The following SLN variants were observed in gnomAD, a reference collection of about 807,000 sequenced individuals.
SLN encodes the protein sarcolipin.
For synonymous variants in SLN, 19 were observed against 14.4 expected (o/e 1.32, Z -0.72); for missense variants, 34 against 37.4 (o/e 0.91, Z 0.24).
chr11:107,708,464 C>T (rs1325042980), intron 1 of SLN, among the ~76,000 whole-genome samples: 1 of 152,144 alleles, frequency 6.6e-6, no homozygotes, highest in Non-Finnish European at 1.5e-5. Context: ...TACCAGCCCA[C>T]CCTGCAGATT....
rs535103409 is a variant in SLN, at chr11:107,710,060, A to G, written c.-76+1903T>C. The stretch of plus-strand genomic sequence containing the variant: ...GATCAAGGAAAAAGGATTTATGAGA[A>G]TGTACAAAAGAGCAGAGGAGAACAG... On this transcript the variant is annotated intron_variant, in intron 1 of 1. Coordinates refer to ENST00000305991, the MANE Select transcript of SLN (RefSeq NM_003063.3). Among the ~76,000 whole-genome samples, 3 of 152,342 alleles carry G rather than the reference A, an allele frequency of 2.0e-5. No individual in the cohort carries two copies. In the South Asian group the frequency reaches 6.2e-4, roughly 32 times the overall value.
chr11:107,709,469 A>G (rs1867188036), intron 1 of SLN, among the ~76,000 whole-genome samples: 1 of 152,220 alleles, frequency 6.6e-6, no homozygotes, highest in South Asian at 2.1e-4. Context: ...TAATTACTGT[A>G]TTGATTATAT....
chr11:107,711,852 C>T (rs539038134), intron 1 of SLN, 111 bp downstream of exon 1: 1 of 152,208 alleles, frequency 6.6e-6, no homozygotes, highest in South Asian at 2.1e-4. Context: ...ATGCTGTATC[C>T]AAGGGGCATT....
chr11:107,710,789 A>C (rs189442363), intron 1 of SLN, among the ~76,000 whole-genome samples: 1 of 152,256 alleles, frequency 6.6e-6, no homozygotes, highest in Non-Finnish European at 1.5e-5. Context: ...AAGAGTTCAC[A>C]GCAATATTAT....
intron 1 of SLN, among the ~76,000 whole-genome samples, chr11:107,711,125 C>G (rs1250142564): frequency 6.6e-6 from 1 of 152,146 alleles, no homozygotes; most frequent in Non-Finnish European, 1.5e-5. Flanking sequence ...GGGGGTTGAT[C>G]AAGAATGGGC....
chr11:107,710,759 C>A (rs1463733347), intron 1 of SLN, among the ~76,000 whole-genome samples: 1 of 152,116 alleles, frequency 6.6e-6, no homozygotes, highest in Non-Finnish European at 1.5e-5. Context: ...CAAGGACGTG[C>A]GTGCCAGGTT....
At chr11:107,709,214 G>A (rs369215219) in intron 1 of SLN, among the ~76,000 whole-genome samples, 1 of 152,208 alleles carries the variant, frequency 6.6e-6, no homozygotes, top group African/African-American at 2.4e-5. Context: ...TCTTCAGTGA[G>A]ATGGTGTAAA....
chr11:107,710,437 A>G (rs1401985646), intron 1 of SLN, among the ~76,000 whole-genome samples: 1 of 152,252 alleles, frequency 6.6e-6, no homozygotes, highest in Non-Finnish European at 1.5e-5. Flanking sequence ...CAACTCAGGC[A>G]AGTGTTACTG....
At chr11:107,710,756 G>A (rs897693162) in intron 1 of SLN, among the ~76,000 whole-genome samples, 3 of 152,174 alleles carry the variant, frequency 2.0e-5, no homozygotes, top group Admixed American at 1.3e-4. Flanking sequence ...AGTCAAGGAC[G>A]TGCGTGCCAG....
intron 1 of SLN, among the ~76,000 whole-genome samples, chr11:107,709,803 A>G (rs1204761004): frequency 1.3e-5 from 2 of 152,158 alleles, no homozygotes; most frequent in African/African-American, 4.8e-5. Context: ...GCATGAAGGA[A>G]ATAGTAAATT....
intron 1 of SLN, among the ~76,000 whole-genome samples, chr11:107,711,009 T>C (rs1443953289): frequency 6.6e-6 from 1 of 152,160 alleles, no homozygotes; most frequent in Non-Finnish European, 1.5e-5. Flanking sequence ...ATTTATATGA[T>C]GTCAAAAATA....
rs758589460 is a variant in SLN at position 107,707,866 on chromosome 11, A to G, written c.65T>C (p.Met22Thr). 1.7e-5 allele frequency: 28 copies of G among 1,613,858 alleles called. No homozygotes were observed. The Middle Eastern group carries it at 6.6e-4, about 38-fold the overall frequency. ...CTGATAGGACCTCACAAGGAGCCAC[A>G]TAAGAATAACCGTAATCAAGACAAT... ...FTIVLITVIL[M>T]WLLVRSYQY Residue 22 changes from methionine (M) to threonine (T), a missense_variant, in exon 2 of 2, where the codon ATG becomes ACG. Physicochemically the swap from Met to Thr is moderately conservative, Grantham distance 81. Transcript: ENST00000305991.
rs1224640141 is a variant in SLN at position 107,707,567 on chromosome 11, T to C, written c.*268A>G. 27 of 383,302 alleles carry C rather than the reference T, an allele frequency of 7.0e-5. No individual in the cohort carries two copies. The Admixed American group carries it at 1.0e-3, about 15-fold the overall frequency. The allele number at this position is 383,302 out of a possible 1,614,324, so 23.7% of individuals were successfully genotyped here. On this transcript the variant is annotated 3_prime_UTR_variant, in exon 2 of 2. Transcript: ENST00000305991. ...TCATGAATCCAGTTTAATTTTAACTTTGTGGCTTGTCTAACACATTTTCAG... is the reference window on the plus strand; with the variant it reads ...TCATGAATCCAGTTTAATTTTAACTCTGTGGCTTGTCTAACACATTTTCAG...
At chr11:107,708,483 G>C (rs535518723) in intron 1 of SLN, among the ~76,000 whole-genome samples, 52 of 152,186 alleles carry the variant, frequency 3.4e-4, no homozygotes, top group African/African-American at 1.1e-3. Flanking sequence ...TTTTGGACTT[G>C]CCAGTCTCTG....
chr11:107,708,019 AC>A lies in SLN; in HGVS notation c.-75-15del. The A allele has an allele frequency of 2.4e-6, 2 of 841,996 alleles. No homozygotes were observed. The highest frequency in any genetic ancestry group is 2.7e-5 in the South Asian group (2 of 73,010). The allele number at this position is 841,996 out of a possible 1,614,324, so 52.2% of individuals were successfully genotyped here. On this transcript the variant is annotated splice_polypyrimidine_tract_variant and intron_variant, in intron 1 of 1. Coordinates refer to ENST00000305991, the MANE Select transcript of SLN (RefSeq NM_003063.3). Reference sequence around the variant, plus strand: ...TCTCCTCACCTCCTGATAAAACATAACAAAGAAAACACAAGGAGATTAATGG... The same window carrying A: ...TCTCCTCACCTCCTGATAAAACATAAAAAGAAAACACAAGGAGATTAATGG...
At chr11:107,709,089 T>A (rs1306177249) in intron 1 of SLN, among the ~76,000 whole-genome samples, 2 of 152,192 alleles carry the variant, frequency 1.3e-5, no homozygotes, top group Non-Finnish European at 2.9e-5. Context: ...GTCCAGGATG[T>A]GCCTAGATTG....
chr11:107,711,018 T>C (rs2135743601), intron 1 of SLN, among the ~76,000 whole-genome samples: 1 of 152,190 alleles, frequency 6.6e-6, no homozygotes, highest in East Asian at 1.9e-4. Context: ...ATGTCAAAAA[T>C]AGGGAGGTTA....
intron 1 of SLN, among the ~76,000 whole-genome samples, chr11:107,708,921 A>G (rs2135742587): frequency 6.6e-6 from 1 of 152,348 alleles, no homozygotes; most frequent in African/African-American, 2.4e-5. Context: ...AGTACTTTCA[A>G]CAGCTGCATG....
Position 107,707,677 on chromosome 11 carries a change from A to G in SLN, c.*158T>C, listed in dbSNP as rs1332443838. On this transcript the variant is annotated 3_prime_UTR_variant, in exon 2 of 2. Coordinates refer to ENST00000305991, the MANE Select transcript of SLN (RefSeq NM_003063.3). ...AGCATCTTTGGAGAACACATAATCA[A>G]TCCTAGCACTACAGCATAGCAGATA... 5.1e-6 allele frequency: 3 copies of G among 587,998 alleles called. No individual in the cohort carries two copies. The highest frequency in any genetic ancestry group is 9.1e-6 in the Non-Finnish European group (3 of 328,836). The allele number at this position is 587,998 out of a possible 1,614,324, so 36.4% of individuals were successfully genotyped here.
Sources: gnomAD v4.1 joint callset for allele counts (sites outside exome capture counted in the v4.1 genomes callset) on GRCh38, gnomAD v4.1.1 for gene constraint, MANE v1.5 for transcripts, NCBI Gene and HGNC (gene_info 2026-07-23, HGNC 2026-07-21) for gene names.